Variants in ATRN observed in about 807,000 individuals in gnomAD.
The protein encoded by ATRN is attractin-2.
Under a neutral mutation model 178.7 loss-of-function variants are expected in ATRN, and 54 were observed. The ratio of observed to expected loss-of-function variants is 0.30; its 90% confidence interval spans 0.24 to 0.38. The LOEUF (loss-of-function observed/expected upper bound fraction) is 0.38. Ranked by LOEUF, ATRN falls within the 10% of genes least tolerant of loss-of-function variation. The pLI is 1.00. For missense variants in ATRN, 1,443 were observed against 1,815.1 expected (o/e 0.79, Z 3.73); for synonymous variants, 636 against 663.0 (o/e 0.96, Z 0.63).
chr20:3,614,067 T>C (rs2086804483), intron 24 of ATRN, among the ~76,000 whole-genome samples: 1 of 152,192 alleles, frequency 6.6e-6, no homozygotes, highest in Non-Finnish European at 1.5e-5. Context: ...TGAAACTGAC[T>C]ATAAAAATCT....
intron 1 of ATRN, among the ~76,000 whole-genome samples, chr20:3,492,674 A>C (rs1402648626): frequency 2.0e-5 from 3 of 152,156 alleles, no homozygotes; most frequent in African/African-American, 7.2e-5. Context: ...AACAAAACTC[A>C]TACCAACGTT....
At chr20:3,510,617 A>G (rs1421416668) in intron 1 of ATRN, among the ~76,000 whole-genome samples, 2 of 152,074 alleles carry the variant, frequency 1.3e-5, no homozygotes, top group East Asian at 3.9e-4. Context: ...TTTTCCCATC[A>G]TTAGATTCAA....
intron 24 of ATRN, among the ~76,000 whole-genome samples, chr20:3,616,937 A>C (rs2086852668): frequency 1.9e-5 from 2 of 103,076 alleles, no homozygotes; most frequent in Admixed American, 1.2e-4. Flanking sequence ...AGATTTCTTA[A>C]TGGCAAGGAT....
At chr20:3,574,942 A>G (rs2086183705) in intron 12 of ATRN, among the ~76,000 whole-genome samples, 1 of 144,538 alleles carries the variant, frequency 6.9e-6, no homozygotes, top group Admixed American at 7.1e-5. Context: ...AGATGAGACA[A>G]CATGGTTGTG....
chr20:3,581,392 G>A (rs6115946), intron 15 of ATRN, among the ~76,000 whole-genome samples: 2 of 152,194 alleles, frequency 1.3e-5, no homozygotes, highest in African/African-American at 4.8e-5. Context: ...GGAAATTTCA[G>A]GAGAGCAGAA....
chr20:3,622,687 T>C (rs555559646), intron 24 of ATRN, among the ~76,000 whole-genome samples: 12 of 152,368 alleles, frequency 7.9e-5, no homozygotes, highest in African/African-American at 2.6e-4. Context: ...CATTTTCACG[T>C]TATGACCTTT....
chr20:3,577,951 C>T (rs1313640332), intron 14 of ATRN, among the ~76,000 whole-genome samples: 3 of 152,164 alleles, frequency 2.0e-5, no homozygotes, highest in Non-Finnish European at 4.4e-5. Context: ...TTTGTTCTTT[C>T]ATTGTCTTCC....
At chr20:3,593,256 A>G (rs1475769721) in intron 19 of ATRN, among the ~76,000 whole-genome samples, 1 of 152,168 alleles carries the variant, frequency 6.6e-6, no homozygotes, top group Admixed American at 6.5e-5. Context: ...CTTATTTTTC[A>G]GAGTCCTAAT....
chr20:3,626,017 A>G (rs1051033213), intron 25 of ATRN, among the ~76,000 whole-genome samples: 2 of 152,102 alleles, frequency 1.3e-5, no homozygotes, highest in Non-Finnish European at 2.9e-5. Context: ...GGGTCACTTG[A>G]GCTCAGGAGT....
intron 18 of ATRN, among the ~76,000 whole-genome samples, chr20:3,588,496 A>G (rs907112934): frequency 6.6e-6 from 1 of 152,062 alleles, no homozygotes; most frequent in Non-Finnish European, 1.5e-5. Flanking sequence ...AGAATGTTAA[A>G]CCAGTTTTGC....
At chr20:3,537,879 T>C (rs991928454) in intron 2 of ATRN, among the ~76,000 whole-genome samples, 4 of 151,636 alleles carry the variant, frequency 2.6e-5, no homozygotes, top group African/African-American at 9.7e-5. Flanking sequence ...CCATGGTGTA[T>C]ATGTGCCTCA....
chr20:3,522,227 G>A lies in ATRN; in HGVS notation c.411-13026G>A, dbSNP rs2085305352. ...GAAAAACATTTTGGAATGAATGAAA[G>A]TGTAAACACAGTCTGTTACATTTGT... is the stretch of plus-strand genomic sequence containing the variant. On this transcript the variant is annotated intron_variant, in intron 1 of 28. Transcript: ENST00000262919. Among the ~76,000 whole-genome samples, 3 of 152,328 alleles carry A rather than the reference G, an allele frequency of 2.0e-5. No individual in the cohort carries two copies. The South Asian group carries it at 6.2e-4, about 32-fold the overall frequency.
chr20:3,561,352 G>A (rs6051950), intron 8 of ATRN, among the ~76,000 whole-genome samples: 2,889 of 151,446 alleles, frequency 0.019, 96 homozygotes, highest in African/African-American at 0.067. Context: ...ACAAACAAAA[G>A]CAACATAGTT....
At chr20:3,590,211 A>G (rs1421294638) in intron 18 of ATRN, among the ~76,000 whole-genome samples, 1 of 152,210 alleles carries the variant, frequency 6.6e-6, no homozygotes, top group Non-Finnish European at 1.5e-5. Context: ...TTGGCCTCCC[A>G]AAGTGATGGG....
intron 1 of ATRN, 41 bp from the exon 2 acceptor site, chr20:3,535,212 A>G (rs1188598469): frequency 1.1e-6 from 1 of 918,920 alleles, no homozygotes; most frequent in Non-Finnish European, 1.5e-6. Flanking sequence ...TATGAAATTA[A>G]TATAGCAGAC....
In ATRN at chr20:3,509,262, AT is replaced by A. The variant is rs556146485; in HGVS notation, c.411-25990del. 1.3e-4 allele frequency among the ~76,000 whole-genome samples: 20 copies of A among 152,322 alleles called. No homozygotes were observed. The South Asian group carries it at 4.1e-3, about 32-fold the overall frequency. On this transcript the variant is annotated intron_variant, in intron 1 of 28. Coordinates refer to ENST00000262919, the MANE Select transcript of ATRN (RefSeq NM_139321.3). ...ACTGTACTTAACTGTAATGAGTCAA[AT>A]ATTGAAAGCAAAAGGATAGAGAAAA...
intron 24 of ATRN, among the ~76,000 whole-genome samples, chr20:3,617,163 T>A (rs981306889): frequency 2.6e-5 from 4 of 152,190 alleles, no homozygotes; most frequent in Non-Finnish European, 2.9e-5. Context: ...ATGGGCTGGC[T>A]GAGGTTGGCA....
At chr20:3,575,164 A>T (rs2086189392) in intron 12 of ATRN, among the ~76,000 whole-genome samples, 1 of 152,156 alleles carries the variant, frequency 6.6e-6, no homozygotes, top group Non-Finnish European at 1.5e-5. Flanking sequence ...GGGTTTCACC[A>T]TGTTGACCAG....
chr20:3,631,823 T>G (rs2086991758), intron 25 of ATRN, among the ~76,000 whole-genome samples: 1 of 152,198 alleles, frequency 6.6e-6, no homozygotes, highest in Non-Finnish European at 1.5e-5. Context: ...ATTTGCTGCC[T>G]CCTTATGTTT....
Sources: allele counts gnomAD v4.1 joint callset (sites outside exome capture counted in the v4.1 genomes callset), GRCh38; gene constraint gnomAD v4.1.1; transcripts MANE v1.5; gene names NCBI Gene and HGNC (gene_info 2026-07-23, HGNC 2026-07-21).